The following IPCEF1 variants were observed in gnomAD, a reference collection of about 807,000 sequenced individuals.
IPCEF1 encodes interaction protein for cytohesin exchange factors 1.
A neutral mutation model predicts 50.9 loss-of-function variants in IPCEF1; 31 were observed. The ratio of observed to expected loss-of-function variants is 0.61; its 90% CI spans 0.46 to 0.82. The LOEUF (loss-of-function observed/expected upper bound fraction) is 0.82, where lower values mean the gene tolerates loss of function less well. Among genes scored for constraint, IPCEF1 ranks in the 40% least tolerant of loss-of-function variants. The pLI, the probability that IPCEF1 is intolerant of heterozygous loss-of-function variation, is 0.00. For missense variants in IPCEF1, 458 were observed against 514.0 expected (o/e 0.89, Z 1.05); for synonymous variants, 181 against 192.0 (o/e 0.94, Z 0.47).
At chr6:154,278,285 C>G (rs1378973915) in intron 2 of IPCEF1, among the ~76,000 whole-genome samples, 1 of 152,192 alleles carries the variant, frequency 6.6e-6, no homozygotes, top group African/African-American at 2.4e-5. Context: ...TGTGCTCTAG[C>G]AGAAGCCAGA....
intron 4 of IPCEF1, chr6:154,247,041 G>T: frequency 2.4e-6 from 1 of 410,490 alleles, no homozygotes; most frequent in Non-Finnish European, 4.3e-6. Context: ...GGAGTAATAT[G>T]CAAGTATTAG....
intron 5 of IPCEF1, among the ~76,000 whole-genome samples, chr6:154,243,547 A>G (rs1294169613): frequency 7.2e-5 from 11 of 152,228 alleles, no homozygotes; most frequent in African/African-American, 2.4e-4. Context: ...AGGCAGTGTC[A>G]GGCAATGACG....
At chr6:154,196,111 A>G (rs1225696048) in intron 10 of IPCEF1, among the ~76,000 whole-genome samples, 1 of 152,102 alleles carries the variant, frequency 6.6e-6, no homozygotes, top group Non-Finnish European at 1.5e-5. Context: ...CATTTTATTC[A>G]CTTTAGCACA....
chr6:154,311,506 T>G (rs184171305), intron 1 of IPCEF1, among the ~76,000 whole-genome samples: 93 of 152,352 alleles, frequency 6.1e-4, no homozygotes, highest in African/African-American at 2.2e-3. Context: ...ATACTTCCAG[T>G]TGACCACTGG....
intron 10 of IPCEF1, among the ~76,000 whole-genome samples, chr6:154,174,644 C>A (rs939805056): frequency 3.3e-5 from 5 of 152,108 alleles, no homozygotes; most frequent in Admixed American, 2.0e-4. Context: ...TATATGCACC[C>A]AATACAGGAG....
At chr6:154,322,712 C>T (rs1783415515) in intron 1 of IPCEF1, among the ~76,000 whole-genome samples, 2 of 152,004 alleles carry the variant, frequency 1.3e-5, no homozygotes, top group African/African-American at 4.8e-5. Context: ...TGGTGCATGT[C>T]TGTAATTCCA....
chr6:154,292,406 G>A (rs1445718139), intron 1 of IPCEF1, among the ~76,000 whole-genome samples: 4 of 152,156 alleles, frequency 2.6e-5, no homozygotes, highest in Non-Finnish European at 4.4e-5. Flanking sequence ...TTTACAAAAT[G>A]CTTTGATATG....
At chr6:154,271,068 A>G (rs1781890681) in intron 2 of IPCEF1, among the ~76,000 whole-genome samples, 1 of 151,720 alleles carries the variant, frequency 6.6e-6, no homozygotes, top group South Asian at 2.1e-4. Context: ...GCATAAAAAT[A>G]TGTAATAGGA....
chr6:154,162,011 T>G (rs9479769), intron 11 of IPCEF1, among the ~76,000 whole-genome samples: 62,554 of 152,036 alleles, frequency 0.41, 13,271 homozygotes, highest in Middle Eastern at 0.51. Context: ...GCTATCTCTT[T>G]GTTGAGGAAA....
At chr6:154,301,512 C>CT (rs1330198627) in intron 1 of IPCEF1, among the ~76,000 whole-genome samples, 1 of 152,160 alleles carries the variant, frequency 6.6e-6, no homozygotes, top group African/African-American at 2.4e-5. Flanking sequence ...GAACAGGCTG[C>CT]ATTCTTATTT....
intron 2 of IPCEF1, among the ~76,000 whole-genome samples, chr6:154,283,357 G>A (rs1782275338): frequency 6.7e-6 from 1 of 150,166 alleles, no homozygotes; most frequent in Admixed American, 6.6e-5. Flanking sequence ...AGTACTTTGG[G>A]AGGCCGAGGC....
At chr6:154,249,222 C>A (rs1484331330) in intron 3 of IPCEF1, among the ~76,000 whole-genome samples, 1 of 152,198 alleles carries the variant, frequency 6.6e-6, no homozygotes, top group Non-Finnish European at 1.5e-5. Flanking sequence ...CCCACACTGA[C>A]CTGTCTTGTG....
intron 9 of IPCEF1, among the ~76,000 whole-genome samples, chr6:154,205,778 C>T (rs1777444425): frequency 6.6e-6 from 1 of 152,092 alleles, no homozygotes; most frequent in Non-Finnish European, 1.5e-5. Flanking sequence ...TTTTTGTTTA[C>T]CCCAGGCTGC....
rs544896420 is a variant in IPCEF1, at chr6:154,268,402, C to A, written c.-17-2438G>T. ...AGGGAGCTCCATCTCAACTCAGAAT[C>A]TTTCTTTTGTATCCATTTTACCTGC... On this transcript the variant is annotated intron_variant, in intron 2 of 11. Coordinates refer to ENST00000367220, the MANE Select transcript of IPCEF1 (RefSeq NM_001130700.2). 2.6e-5 allele frequency among the ~76,000 whole-genome samples: 4 copies of A among 152,342 alleles called. No homozygotes were observed. In the South Asian group the frequency reaches 8.3e-4, roughly 32 times the overall value.
intron 9 of IPCEF1, among the ~76,000 whole-genome samples, chr6:154,206,316 T>C (rs1240612788): frequency 6.6e-6 from 1 of 152,206 alleles, no homozygotes; most frequent in Non-Finnish European, 1.5e-5. Flanking sequence ...CTCAAAGCCA[T>C]GCAAAAGCAC....
At chr6:154,205,732 A>T (rs1205055566) in intron 9 of IPCEF1, among the ~76,000 whole-genome samples, 1 of 152,242 alleles carries the variant, frequency 6.6e-6, no homozygotes, top group African/African-American at 2.4e-5. Context: ...GAGGACAATG[A>T]ATAAACTGCA....
intron 10 of IPCEF1, among the ~76,000 whole-genome samples, chr6:154,189,505 C>T (rs1009558419): frequency 3.9e-5 from 6 of 151,978 alleles, no homozygotes; most frequent in African/African-American, 1.2e-4. Context: ...AAATAAAGGA[C>T]TTAATAAATA....
At chr6:154,278,620 G>A (rs1782126013) in intron 2 of IPCEF1, among the ~76,000 whole-genome samples, 2 of 152,060 alleles carry the variant, frequency 1.3e-5, no homozygotes, top group African/African-American at 4.8e-5. Flanking sequence ...CATGCTTGAT[G>A]GTGACATGTT....
intron 11 of IPCEF1, among the ~76,000 whole-genome samples, chr6:154,164,106 T>C (rs1369119713): frequency 6.6e-6 from 1 of 152,246 alleles, no homozygotes; most frequent in Non-Finnish European, 1.5e-5. Flanking sequence ...TAAAGAGTTT[T>C]ATTTTGTTCT....
Sources: gnomAD v4.1 joint callset for allele counts (sites outside exome capture counted in the v4.1 genomes callset) on GRCh38, gnomAD v4.1.1 for gene constraint, MANE v1.5 for transcripts, NCBI Gene and HGNC (gene_info 2026-07-23, HGNC 2026-07-21) for gene names.